LMO7: variants seen among roughly 807,000 people sequenced by gnomAD.
The protein encoded by LMO7 is LIM domain 7.
In LMO7, 120 loss-of-function variants were observed where a neutral mutation model predicts 206.5. The ratio of observed to expected loss-of-function variants is 0.58; its 90% CI spans 0.50 to 0.68. The LOEUF (loss-of-function observed/expected upper bound fraction) is 0.68. LMO7 is among the 30% of genes least tolerant of loss of function. LMO7 has a pLI of 0.00. For synonymous variants in LMO7, 706 were observed against 681.5 expected (o/e 1.04, Z -0.56); for missense variants, 1,959 against 1,957.9 (o/e 1.00, Z -0.01).
chr13:75,706,532 ACTTAT>A (rs10588151), intron 1 of LMO7, among the ~76,000 whole-genome samples: 11,761 of 152,044 alleles, frequency 0.077, 998 homozygotes, highest in African/African-American at 0.21. Flanking sequence ...TTTAAAGAGA[ACTTAT>A]CTTATACTGA....
chr13:75,841,818 A>G lies in LMO7; in HGVS notation c.3866A>G (p.Gln1289Arg), dbSNP rs1167884937. Reference protein sequence around the residue: ...HEDQGKKPQDQLVIERERKWE... With the variant: ...HEDQGKKPQDRLVIERERKWE... ...GACCAAGGAAAGAAGCCGCAGGATC[A>G]GCTTGTTATTGAGAGAGAGAGGAAA... Residue 1289 changes from glutamine (Q) to arginine (R), a missense_variant, in exon 24 of 31, where the codon CAG (glutamine) becomes CGG (arginine). By Grantham distance (43) the Gln-to-Arg change is conservative. Transcript: ENST00000377534. The G allele has an allele frequency of 1.9e-6, 3 of 1,614,158 alleles. No homozygotes were observed. Among genetic ancestry groups the G allele is most frequent in the Middle Eastern group, 1.6e-4 (1 of 6,062 alleles).
At chr13:75,677,617 A>G (rs1043843219) in intron 1 of LMO7, among the ~76,000 whole-genome samples, 5 of 150,526 alleles carry the variant, frequency 3.3e-5, no homozygotes, top group Non-Finnish European at 7.4e-5. Flanking sequence ...GCGTCCCAAT[A>G]GAAGTCTTTG....
chr13:75,844,391 A>G, intron 25 of LMO7, among the ~76,000 whole-genome samples: 1 of 149,026 alleles, frequency 6.7e-6, no homozygotes, highest in East Asian at 2.0e-4. Flanking sequence ...TACTACTATT[A>G]TTTTCTTTTT....
intron 24 of LMO7, among the ~76,000 whole-genome samples, chr13:75,842,635 G>C (rs1178469546): frequency 1.3e-5 from 2 of 152,184 alleles, no homozygotes; most frequent in Non-Finnish European, 2.9e-5. Context: ...GACTCAGTAT[G>C]TATTTGTAGA....
intron 3 of LMO7, among the ~76,000 whole-genome samples, chr13:75,750,410 G>A (rs1247913167): frequency 1.6e-5 from 2 of 123,510 alleles, no homozygotes; most frequent in African/African-American, 6.1e-5. Context: ...CCTTTTTGGA[G>A]ACAGGGTCTT....
In LMO7 at chr13:75,698,379, G is replaced by A. The variant is rs191493371; in HGVS notation, c.70-14803G>A. Reference sequence around the variant, plus strand: ...TGCAGTGGCAGGATCATAGCTTACTGCAGTCTTGAACCTCCTGGATTCAAG... The same window carrying A: ...TGCAGTGGCAGGATCATAGCTTACTACAGTCTTGAACCTCCTGGATTCAAG... On this transcript the variant is annotated intron_variant, in intron 1 of 30. Coordinates refer to ENST00000377534, the MANE Select transcript of LMO7 (RefSeq NM_001306080.2). Among the ~76,000 whole-genome samples, 172 of 152,172 alleles carry A rather than the reference G, an allele frequency of 1.1e-3. 3 individuals are homozygous for A. Among genetic ancestry groups the A allele is most frequent in the Non-Finnish European group, 8.8e-4 (60 of 68,014 alleles).
chr13:75,832,201 G>A (rs539205494), intron 15 of LMO7, among the ~76,000 whole-genome samples: 1 of 152,142 alleles, frequency 6.6e-6, no homozygotes, highest in Non-Finnish European at 1.5e-5. Context: ...ATTAAGGTTT[G>A]CACAGACGTA....
At chr13:75,842,743 AT>A in intron 24 of LMO7, 107 bp from the exon 25 acceptor site, 1 of 688,080 alleles carries the variant, frequency 1.5e-6, no homozygotes, top group Non-Finnish European at 2.6e-6. Flanking sequence ...CCCAAAGACC[AT>A]TTGCATAAAG....
At chr13:75,685,230 G>A (rs1286889708) in intron 1 of LMO7, among the ~76,000 whole-genome samples, 1 of 152,188 alleles carries the variant, frequency 6.6e-6, no homozygotes, top group Non-Finnish European at 1.5e-5. Context: ...CAGATACTCA[G>A]TAAACATCCT....
At chr13:75,726,834 CA>C (rs2044519205) in intron 2 of LMO7, among the ~76,000 whole-genome samples, 194 bp from the exon 3 acceptor site, 1 of 152,078 alleles carries the variant, frequency 6.6e-6, no homozygotes, top group Non-Finnish European at 1.5e-5. Flanking sequence ...CTATGGAGAA[CA>C]ACTCACCATT....
chr13:75,726,493 G>A (rs1311452499), intron 2 of LMO7, among the ~76,000 whole-genome samples: 2 of 151,788 alleles, frequency 1.3e-5, no homozygotes, highest in South Asian at 2.1e-4. Flanking sequence ...GTTCTGCTGC[G>A]GTAATAAAGC....
chr13:75,717,408 C>A (rs2043644574), intron 2 of LMO7, among the ~76,000 whole-genome samples: 1 of 150,020 alleles, frequency 6.7e-6, no homozygotes, highest in East Asian at 1.9e-4. Flanking sequence ...CACAACTCTT[C>A]TCTCACTGTC....
At chr13:75,827,972 T>G (rs974044944) in intron 15 of LMO7, among the ~76,000 whole-genome samples, 3 of 152,198 alleles carry the variant, frequency 2.0e-5, no homozygotes, top group Non-Finnish European at 4.4e-5. Flanking sequence ...TCACCTTCAC[T>G]AGGACCTGCT....
intron 6 of LMO7, 106 bp from the exon 7 acceptor site, chr13:75,800,578 A>C: frequency 9.9e-7 from 1 of 1,014,302 alleles, no homozygotes; most frequent in Non-Finnish European, 1.5e-6. Context: ...CTTACATGTC[A>C]AATAAAACCC....
At chr13:75,857,387 G>A (rs1326637285) in intron 30 of LMO7, 2 of 152,210 alleles carry the variant, frequency 1.3e-5, no homozygotes, top group East Asian at 1.9e-4. Flanking sequence ...TTTGAACTCT[G>A]AGGTATTTAT....
chr13:75,655,577 C>T (rs892038412), intron 1 of LMO7, among the ~76,000 whole-genome samples: 17 of 146,416 alleles, frequency 1.2e-4, no homozygotes, highest in Admixed American at 2.7e-4. Flanking sequence ...TCTTTGAGGT[C>T]TCTAATGTTG....
Position 75,856,580 on chromosome 13 carries a change from C to T in LMO7, c.4845C>T (p.Tyr1615=). Residue 1615 remains tyrosine (Y), a synonymous_variant, in exon 30 of 31, where the codon TAC becomes TAT. Coordinates refer to ENST00000377534, the MANE Select transcript of LMO7 (RefSeq NM_001306080.2). ...AEVRIRNHQL[Y]CNDCYLRFKS... is the part of the protein sequence containing the mutation. The stretch of plus-strand genomic sequence containing the variant: ...TCAGGATCAGAAACCACCAACTGTA[C>T]TGCAACGACTGCTATCTCAGATTCA... 6.2e-7 allele frequency: 1 copy of T among 1,608,646 alleles called. No homozygotes were observed. The highest frequency in any genetic ancestry group is 2.2e-5 in the East Asian group (1 of 44,830).
chr13:75,822,174 G>A (rs1384831173), intron 14 of LMO7, among the ~76,000 whole-genome samples: 3 of 152,098 alleles, frequency 2.0e-5, no homozygotes, highest in African/African-American at 4.8e-5. Context: ...TACCATATCC[G>A]ACAATGAGTG....
chr13:75,629,821 G>A (rs367994500), intron 2 of LMO7, among the ~76,000 whole-genome samples: 2 of 152,216 alleles, frequency 1.3e-5, no homozygotes, highest in South Asian at 2.1e-4. Context: ...GACAAGACAG[G>A]GAATGGGGTT....
Sources: allele counts gnomAD v4.1 joint callset (sites outside exome capture counted in the v4.1 genomes callset), GRCh38; gene constraint gnomAD v4.1.1; transcripts MANE v1.5; gene names NCBI Gene and HGNC (gene_info 2026-07-23, HGNC 2026-07-21).